Variants in SHROOM3 observed in about 807,000 individuals in gnomAD.
SHROOM3 encodes shroom family member 3.
SHROOM3 carries 47 observed loss-of-function variants against 138.6 expected under a neutral mutation model. The ratio of observed to expected loss-of-function variants is 0.34; its 90% CI spans 0.27 to 0.43. The LOEUF (loss-of-function observed/expected upper bound fraction) is 0.43. Ranked by LOEUF, SHROOM3 falls within the 20% of genes least tolerant of loss-of-function variation. The probability of loss-of-function intolerance (pLI) is 1.00; values close to 1 mark genes in which losing one functional copy is unlikely to be tolerated. For synonymous variants in SHROOM3, 1,062 were observed against 1,063.3 expected (o/e 1.00, Z 0.02); for missense variants, 2,491 against 2,596.5 (o/e 0.96, Z 0.88).
At chr4:76,644,097 G>T (rs1161344251) in intron 2 of SHROOM3, among the ~76,000 whole-genome samples, 1 of 151,956 alleles carries the variant, frequency 6.6e-6, no homozygotes, top group East Asian at 1.9e-4. Context: ...GCCCTCCTCG[G>T]CCTCCCAAAG....
chr4:76,741,888 A>G lies in SHROOM3; in HGVS notation c.3715A>G (p.Arg1239Gly). ...CGTCCTTGCGGGCCCTGTCCATGTG[A>G]GGTCCAGGTCATCTCCCGCCACCGC... ...SDVLAGPVHV[R>G]SRSSPATADK... is the part of the protein sequence containing the mutation. Residue 1239 changes from arginine (R) to glycine (G), a missense_variant, in exon 5 of 11, where the codon AGG becomes GGG. Arg to Gly is a moderately radical substitution (Grantham distance 125). This residue lies in a region of SHROOM3 where 1,733 missense variants were observed against 1,661.6 expected (regional missense o/e 1.04). Coordinates refer to ENST00000296043, the MANE Select transcript of SHROOM3 (RefSeq NM_020859.4). The surrounding 1 kb of genome is among the most constrained non-coding windows in gnomAD (Gnocchi z 6.2). The G allele has an allele frequency of 6.2e-7, 1 of 1,612,206 alleles. No individual in the cohort carries two copies.
chr4:76,582,672 C>T (rs1386914490), intron 2 of SHROOM3, among the ~76,000 whole-genome samples: 3 of 152,208 alleles, frequency 2.0e-5, no homozygotes, highest in East Asian at 1.9e-4. Context: ...AATGAAAGCA[C>T]CATATTCAAA....
intron 1 of SHROOM3, among the ~76,000 whole-genome samples, chr4:76,438,975 T>G (rs1730615537): frequency 6.6e-6 from 1 of 152,180 alleles, no homozygotes; most frequent in Non-Finnish European, 1.5e-5. Flanking sequence ...ATGTATTAGT[T>G]TCCTATTGCT....
At chr4:76,614,187 T>A (rs1734825195) in intron 2 of SHROOM3, among the ~76,000 whole-genome samples, 1 of 152,168 alleles carries the variant, frequency 6.6e-6, no homozygotes, top group Non-Finnish European at 1.5e-5. Context: ...CCCGAGTAGC[T>A]GGGACTACAG....
chr4:76,486,479 G>A (rs1156413979), intron 1 of SHROOM3, among the ~76,000 whole-genome samples: 2 of 152,162 alleles, frequency 1.3e-5, no homozygotes, highest in African/African-American at 4.8e-5. Context: ...AAACCCTGTA[G>A]CCTGGCTGAC....
intron 2 of SHROOM3, among the ~76,000 whole-genome samples, chr4:76,653,280 TGTTTGGG>T (rs939590979): frequency 2.7e-4 from 41 of 152,228 alleles, no homozygotes; most frequent in African/African-American, 9.1e-4. Context: ...GTGCTGTTAC[TGTTTGGG>T]GTTGGATAGT....
In SHROOM3 at chr4:76,620,070, CAAAA is replaced by C. The variant is rs68039696; in HGVS notation, c.323+64327_323+64330del. Among the ~76,000 whole-genome samples, 83 of 61,104 alleles carry C rather than the reference CAAAA, an allele frequency of 1.4e-3. 2 individuals carry two copies. The South Asian group carries it at 0.046, about 34-fold the overall frequency. 40.1% of individuals were successfully genotyped at this position (61,104 alleles called of 152,430 possible). The stretch of plus-strand genomic sequence containing the variant: ...TGGGCAACAGAACAGGAATCTATCT[CAAAA>C]AAAAAAAAAAAAAAAAAAAGAAGAA... On this transcript the variant is annotated intron_variant, in intron 2 of 10. Transcript: ENST00000296043.
intron 2 of SHROOM3, chr4:76,586,376 C>T (rs1401634531): frequency 1.0e-6 from 1 of 985,638 alleles, no homozygotes; most frequent in Non-Finnish European, 1.2e-6. Flanking sequence ...CAAGCCCCCG[C>T]GGTGGGCCAG....
intron 1 of SHROOM3, among the ~76,000 whole-genome samples, chr4:76,488,839 A>G (rs1413009083): frequency 7.7e-6 from 1 of 129,460 alleles, no homozygotes; most frequent in Admixed American, 8.1e-5. Flanking sequence ...TCTCACAACA[A>G]TCCTATGAGG....
chr4:76,598,603 G>A (rs1292497808), intron 2 of SHROOM3, among the ~76,000 whole-genome samples: 2 of 152,208 alleles, frequency 1.3e-5, no homozygotes, highest in Non-Finnish European at 2.9e-5. Flanking sequence ...GAGGTGGCCA[G>A]GAAGTGGGGA....
At chr4:76,632,745 C>T (rs1023730070) in intron 2 of SHROOM3, among the ~76,000 whole-genome samples, 5 of 152,036 alleles carry the variant, frequency 3.3e-5, no homozygotes, top group South Asian at 2.1e-4. Context: ...TTTAAAAAGG[C>T]GAATTAAAAC....
intron 2 of SHROOM3, among the ~76,000 whole-genome samples, chr4:76,691,871 G>A (rs981784465): frequency 6.6e-6 from 1 of 152,216 alleles, no homozygotes; most frequent in East Asian, 1.9e-4. Flanking sequence ...AATTATTCTT[G>A]TAAGTTCTGT....
intron 1 of SHROOM3, among the ~76,000 whole-genome samples, chr4:76,514,321 A>G (rs1732400738): frequency 6.6e-6 from 1 of 152,224 alleles, no homozygotes; most frequent in Non-Finnish European, 1.5e-5. Flanking sequence ...ATTTAGCCAT[A>G]AAAAAGAATG....
chr4:76,641,227 A>G (rs1465690299), intron 2 of SHROOM3, among the ~76,000 whole-genome samples: 2 of 152,222 alleles, frequency 1.3e-5, no homozygotes, highest in African/African-American at 4.8e-5. Context: ...TTGTAACTTG[A>G]GTGCCTATCA....
At chr4:76,487,649 T>A in intron 1 of SHROOM3, among the ~76,000 whole-genome samples, 1 of 150,086 alleles carries the variant, frequency 6.7e-6, no homozygotes, top group Non-Finnish European at 1.5e-5. Flanking sequence ...CACAGAAAAT[T>A]GAAATGTACT....
At chr4:76,537,757 G>A (rs1246479749) in intron 1 of SHROOM3, among the ~76,000 whole-genome samples, 1 of 152,160 alleles carries the variant, frequency 6.6e-6, no homozygotes, top group Non-Finnish European at 1.5e-5. Context: ...GGCATTGGGG[G>A]ATGATGGGTG....
Position 76,631,895 on chromosome 4 carries a change from C to T in SHROOM3, c.323+76132C>T, listed in dbSNP as rs147810155. Among the ~76,000 whole-genome samples, 15 of 152,190 alleles carry T rather than the reference C, an allele frequency of 9.9e-5. No individual in the cohort carries two copies. The East Asian group carries it at 2.9e-3, about 29-fold the overall frequency. Reference sequence around the variant, plus strand: ...CACCAATCTAAGGAGATGGTGGTAGCTTAGGGTGGTAGCAGTGAAGATAGC... The same window carrying T: ...CACCAATCTAAGGAGATGGTGGTAGTTTAGGGTGGTAGCAGTGAAGATAGC... On this transcript the variant is annotated intron_variant, in intron 2 of 10. Transcript: ENST00000296043.
chr4:76,778,474 G>A (rs549844509), intron 10 of SHROOM3, among the ~76,000 whole-genome samples: 58 of 152,148 alleles, frequency 3.8e-4, no homozygotes, highest in African/African-American at 1.3e-3. Flanking sequence ...CATCCATCCC[G>A]GCCTCCCAAA....
At chr4:76,773,306 G>A (rs1386635314) in intron 10 of SHROOM3, among the ~76,000 whole-genome samples, 10 of 150,084 alleles carry the variant, frequency 6.7e-5, no homozygotes, top group Non-Finnish European at 1.3e-4. Flanking sequence ...CCCGGGAAGC[G>A]GAGGTTGCAG....
Sources: gnomAD v4.1 joint callset for allele counts (sites outside exome capture counted in the v4.1 genomes callset) on GRCh38, gnomAD v4.1.1 for gene constraint, gnomAD v4.1.1 regional missense constraint, Gnocchi (gnomAD v3.1) non-coding constraint, MANE v1.5 for transcripts, NCBI Gene and HGNC (gene_info 2026-07-23, HGNC 2026-07-21) for gene names.